The following GALNTL6 variants were observed in gnomAD, a reference collection of about 807,000 sequenced individuals.
GALNTL6 encodes the protein polypeptide N-acetylgalactosaminyltransferase like 6, also known as polypeptide N-acetylgalactosaminyltransferase-like 6.
In GALNTL6, 46 loss-of-function variants were observed where a neutral mutation model predicts 73.7. The observed-to-expected ratio is 0.62, with a 90% CI of 0.49 to 0.80. The LOEUF (loss-of-function observed/expected upper bound fraction) is 0.80. Among genes scored for constraint, GALNTL6 ranks in the 30% least tolerant of loss-of-function variants. GALNTL6 has a pLI of 0.00. For missense variants in GALNTL6, 604 were observed against 755.0 expected, an observed-to-expected ratio of 0.80 and a Z score of 2.34; for synonymous variants, 259 against 263.7, an observed-to-expected ratio of 0.98 and a Z score of 0.17.
At chr4:172,241,149 A>T (rs1266913509) in intron 3 of GALNTL6, among the ~76,000 whole-genome samples, 1 of 152,212 alleles carries the variant, frequency 6.6e-6, no homozygotes, top group African/African-American at 2.4e-5. Flanking sequence ...GTGATCCAGT[A>T]GATGGTGCTT....
chr4:172,569,745 A>G (rs1736691937), intron 5 of GALNTL6, among the ~76,000 whole-genome samples: 1 of 152,188 alleles, frequency 6.6e-6, no homozygotes, highest in South Asian at 2.1e-4. Context: ...TGCTTTTGAG[A>G]CATCCAAGAG....
At chr4:171,923,030 T>C (rs1737841761) in intron 2 of GALNTL6, among the ~76,000 whole-genome samples, 1 of 151,898 alleles carries the variant, frequency 6.6e-6, no homozygotes, top group African/African-American at 2.4e-5. Flanking sequence ...CCAAAAAGCA[T>C]AAAAAGCCAG....
At chr4:172,931,634 C>CA (rs775105193) in intron 9 of GALNTL6, among the ~76,000 whole-genome samples, 1 of 152,148 alleles carries the variant, frequency 6.6e-6, no homozygotes, top group Non-Finnish European at 1.5e-5. Flanking sequence ...TCTCTCCACC[C>CA]ACATGGAGTG....
At chr4:172,355,516 A>G (rs535096043) in intron 5 of GALNTL6, among the ~76,000 whole-genome samples, 11 of 152,276 alleles carry the variant, frequency 7.2e-5, no homozygotes, top group African/African-American at 2.4e-4. Context: ...TATCACATGT[A>G]GTATTACAGC....
chr4:172,386,471 C>G (rs1282072132), intron 5 of GALNTL6, among the ~76,000 whole-genome samples: 2 of 151,888 alleles, frequency 1.3e-5, no homozygotes, highest in Non-Finnish European at 2.9e-5. Flanking sequence ...TGCAGAGAGA[C>G]AGAACTAATA....
chr4:172,212,339 T>C (rs568995854), intron 2 of GALNTL6, among the ~76,000 whole-genome samples: 1 of 151,762 alleles, frequency 6.6e-6, no homozygotes, highest in Admixed American at 6.6e-5. Flanking sequence ...TTTTTATATT[T>C]TTAGTAAAGA....
intron 7 of GALNTL6, among the ~76,000 whole-genome samples, chr4:172,868,698 T>C (rs978560579): frequency 1.3e-5 from 2 of 152,246 alleles, no homozygotes; most frequent in Non-Finnish European, 2.9e-5. Flanking sequence ...TGGAAGCACC[T>C]TGTGCTGGGC....
chr4:171,952,104 A>G (rs1320891925), intron 2 of GALNTL6, among the ~76,000 whole-genome samples: 2 of 152,078 alleles, frequency 1.3e-5, no homozygotes, highest in Non-Finnish European at 2.9e-5. Flanking sequence ...TTGATCAAGT[A>G]AAAGTATTGG....
intron 7 of GALNTL6, among the ~76,000 whole-genome samples, chr4:172,831,400 C>A (rs1160263364): frequency 6.6e-6 from 1 of 152,082 alleles, no homozygotes; most frequent in Non-Finnish European, 1.5e-5. Flanking sequence ...AGATGCTCTG[C>A]AAACTGCTCC....
At chr4:172,340,345 C>A (rs1741517849) in intron 4 of GALNTL6, among the ~76,000 whole-genome samples, 1 of 152,110 alleles carries the variant, frequency 6.6e-6, no homozygotes, top group African/African-American at 2.4e-5. Context: ...ATAAGTCCAG[C>A]TTGATTATGG....
intron 2 of GALNTL6, among the ~76,000 whole-genome samples, chr4:172,018,669 A>G (rs1741293392): frequency 6.6e-6 from 1 of 152,112 alleles, no homozygotes; most frequent in Non-Finnish European, 1.5e-5. Context: ...TTTAGGCCAC[A>G]TCTCTCCCAA....
At position 172,306,406 on chromosome 4, in the gene GALNTL6, A is replaced by G. The variant is rs144272668; in HGVS notation, c.248-5208A>G. On this transcript the variant is annotated intron_variant, in intron 3 of 12. Coordinates refer to ENST00000506823, the MANE Select transcript of GALNTL6 (RefSeq NM_001034845.3). ...TCCATCTCCAATAAATGAATAAATA[A>G]ATAAATAAATGAAAACAAAAATATG... Among the ~76,000 whole-genome samples, 450 of 152,326 alleles carry G rather than the reference A, an allele frequency of 3.0e-3. 4 individuals carry two copies. Among genetic ancestry groups the G allele is most frequent in the African/African-American group, 0.01 (427 of 41,570 alleles).
rs571950794 is a variant in GALNTL6, at chr4:172,609,976, G to A, written c.554-199385G>A. On this transcript the variant is annotated intron_variant, in intron 5 of 12. Transcript: ENST00000506823. ...ATTTATTCTAGATTTTATGGTTTGT[G>A]TGCATAGAGGTATTCATAATATTCT... 5.9e-5 allele frequency among the ~76,000 whole-genome samples: 9 copies of A among 151,920 alleles called. No homozygotes were observed. In the South Asian group the frequency reaches 1.9e-3, roughly 32 times the overall value.
At chr4:172,917,143 G>T (rs544968909) in intron 8 of GALNTL6, among the ~76,000 whole-genome samples, 2 of 152,114 alleles carry the variant, frequency 1.3e-5, no homozygotes, top group African/African-American at 2.4e-5. Flanking sequence ...AACAAGAAAC[G>T]GGGAAAGGAT....
At chr4:172,261,943 T>A (rs775792160) in intron 3 of GALNTL6, among the ~76,000 whole-genome samples, 11 of 151,382 alleles carry the variant, frequency 7.3e-5, no homozygotes, top group Non-Finnish European at 1.6e-4. Flanking sequence ...GTTTTGGGGT[T>A]CCTTTTGGAG....
rs527709937 is a variant in GALNTL6 at position 171,911,121 on chromosome 4, G to A, written c.138+96403G>A. On this transcript the variant is annotated intron_variant, in intron 2 of 12. Transcript: ENST00000506823. ...AAAATGCTGTTGGTCCTGAGAAGGA[G>A]TAAACAATATATCACACCACCTGTA... Among the ~76,000 whole-genome samples the A allele has an allele frequency of 2.2e-3, 328 of 152,214 alleles. 1 individual carries two copies. Among genetic ancestry groups the A allele is most frequent in the Middle Eastern group, 3.4e-3 (1 of 294 alleles).
chr4:172,171,874 A>G (rs1222252961), intron 2 of GALNTL6, among the ~76,000 whole-genome samples: 1 of 152,144 alleles, frequency 6.6e-6, no homozygotes, highest in Non-Finnish European at 1.5e-5. Flanking sequence ...ACAGGGCAGT[A>G]TTGGAAGTTC....
At chr4:172,061,380 G>A (rs1731194841) in intron 2 of GALNTL6, among the ~76,000 whole-genome samples, 2 of 152,144 alleles carry the variant, frequency 1.3e-5, no homozygotes, top group Non-Finnish European at 2.9e-5. Context: ...AGTAGTTCAT[G>A]TTGTATTGAG....
In GALNTL6 at chr4:172,064,156, C is replaced by T. The variant is rs141517870; in HGVS notation, c.139-165500C>T. Among the ~76,000 whole-genome samples, 1,400 of 152,242 alleles carry T rather than the reference C, an allele frequency of 9.2e-3. 24 individuals are homozygous for T. The highest frequency in any genetic ancestry group is 0.03 in the African/African-American group (1,231 of 41,522). ...ATAAACCCTTGATTCAAATATTGGC[C>T]ATATTAAATTTTGTAGACATTGTAG... is the stretch of plus-strand genomic sequence containing the variant. On this transcript the variant is annotated intron_variant, in intron 2 of 12. Transcript: ENST00000506823.
Sources: gnomAD v4.1 joint callset for allele counts (sites outside exome capture counted in the v4.1 genomes callset) on GRCh38, gnomAD v4.1.1 for gene constraint, MANE v1.5 for transcripts, NCBI Gene and HGNC (gene_info 2026-07-23, HGNC 2026-07-21) for gene names.